GALNT13: variants seen among roughly 807,000 people sequenced by gnomAD.
GALNT13 encodes the protein UDP-GalNAc:polypeptide N-acetylgalactosaminyltransferase 13.
GALNT13 carries 28 observed loss-of-function variants against 64.2 expected under a neutral mutation model. The ratio of observed to expected loss-of-function variants is 0.44; its 90% CI spans 0.32 to 0.60. GALNT13 has a LOEUF of 0.60. GALNT13 is among the 20% of genes least tolerant of loss of function. The probability of loss-of-function intolerance (pLI) is 0.05; values close to 1 mark genes in which losing one functional copy is unlikely to be tolerated. For synonymous variants in GALNT13, 214 were observed against 224.6 expected, an observed-to-expected ratio of 0.95 and a Z score of 0.42; for missense variants, 577 against 669.8, an observed-to-expected ratio of 0.86 and a Z score of 1.53.
At chr2:153,159,660 T>C in the GALNT13 span, 2 of 152,290 alleles carry the variant, frequency 1.3e-5, no homozygotes, top group African/African-American at 4.8e-5. Flanking sequence ...AATTGCCAAG[T>C]GCATTGCTGA....
At chr2:153,263,868 A>G in the GALNT13 span, among the ~76,000 whole-genome samples, 11 of 152,238 alleles carry the variant, frequency 7.2e-5, no homozygotes, top group Admixed American at 6.5e-4. Context: ...AGGCAATACC[A>G]TTTAGGATGT....
chr2:153,153,809 G>C, the GALNT13 span, among the ~76,000 whole-genome samples: 11 of 151,976 alleles, frequency 7.2e-5, no homozygotes, highest in African/African-American at 2.7e-4. Context: ...TAGCCCTGTA[G>C]TATAATTTGA....
At chr2:154,173,581 G>A (rs1382146796) in intron 4 of GALNT13, among the ~76,000 whole-genome samples, 3 of 151,876 alleles carry the variant, frequency 2.0e-5, no homozygotes, top group African/African-American at 7.2e-5. Context: ...CTTCTGCACA[G>A]CAAATATAAC....
the GALNT13 span, among the ~76,000 whole-genome samples, chr2:153,398,746 C>T: frequency 6.8e-6 from 1 of 146,348 alleles, no homozygotes; most frequent in Non-Finnish European, 1.5e-5. Context: ...TGTTCATGTC[C>T]TTCGCCCACT....
Position 154,396,013 on chromosome 2 carries a change from A to G in GALNT13, c.1179A>G (p.Gly393=). The change falls in exon 10 of 13, where the codon GGA becomes GGG. Residue 393 remains glycine, a synonymous_variant. Coordinates refer to ENST00000392825, the MANE Select transcript of GALNT13 (RefSeq NM_052917.4). ...CAGGTGTTGTCAAAGTGGATTATGGAGATGTGTCAGTCAGAAAAACACTAA... is the reference window on the plus strand; with the variant it reads ...CAGGTGTTGTCAAAGTGGATTATGGGGATGTGTCAGTCAGAAAAACACTAA... ...ISPGVVKVDY[G]DVSVRKTLRE... The G allele has an allele frequency of 6.2e-7, 1 of 1,608,070 alleles. No homozygotes were observed. Among genetic ancestry groups the G allele is most frequent in the Non-Finnish European group, 8.5e-7 (1 of 1,177,704 alleles).
chr2:154,245,190 A>T (rs1007410950), intron 6 of GALNT13, among the ~76,000 whole-genome samples: 6 of 152,106 alleles, frequency 3.9e-5, no homozygotes, highest in African/African-American at 1.4e-4. Context: ...ATCTTAAGCT[A>T]TCATCTAGAT....
the GALNT13 span, among the ~76,000 whole-genome samples, chr2:153,400,386 C>CT: frequency 5.3e-5 from 8 of 152,210 alleles, no homozygotes; most frequent in South Asian, 1.7e-3. Context: ...CTAAAATTCT[C>CT]TTTTTTTGTT....
intron 4 of GALNT13, among the ~76,000 whole-genome samples, chr2:154,144,894 C>T (rs1683476380): frequency 6.6e-6 from 1 of 151,422 alleles, no homozygotes; most frequent in Admixed American, 6.6e-5. Context: ...TTAATACACG[C>T]AACACATTTG....
At chr2:153,910,833 T>C (rs1285528881) in intron 2 of GALNT13, among the ~76,000 whole-genome samples, 1 of 152,198 alleles carries the variant, frequency 6.6e-6, no homozygotes, top group Non-Finnish European at 1.5e-5. Flanking sequence ...CTGATTGTTT[T>C]ATGTCCTATT....
the GALNT13 span, among the ~76,000 whole-genome samples, chr2:153,188,007 T>C: frequency 1.3e-5 from 2 of 152,044 alleles, no homozygotes; most frequent in Non-Finnish European, 2.9e-5. Flanking sequence ...TATAAGCATG[T>C]ATTCATGATT....
the GALNT13 span, among the ~76,000 whole-genome samples, chr2:153,364,326 A>C: frequency 6.6e-6 from 1 of 152,240 alleles, no homozygotes; most frequent in Admixed American, 6.5e-5. Flanking sequence ...GAAAACTGGC[A>C]CAAGACAAGA....
chr2:153,349,912 A>C, the GALNT13 span, among the ~76,000 whole-genome samples: 37 of 152,184 alleles, frequency 2.4e-4, no homozygotes, highest in African/African-American at 8.9e-4. Flanking sequence ...GAATGATAAG[A>C]GATTTGGACA....
chr2:153,127,993 C>T, the GALNT13 span, among the ~76,000 whole-genome samples: 4 of 152,240 alleles, frequency 2.6e-5, no homozygotes, highest in African/African-American at 9.6e-5. Flanking sequence ...TTATCACTTA[C>T]AGATGAGGGG....
the GALNT13 span, among the ~76,000 whole-genome samples, chr2:153,706,965 T>A: frequency 6.6e-6 from 1 of 152,154 alleles, no homozygotes; most frequent in African/African-American, 2.4e-5. Context: ...TGGGAGGTAA[T>A]TGAATCATGG....
At chr2:153,802,247 G>A in the GALNT13 span, among the ~76,000 whole-genome samples, 1 of 152,050 alleles carries the variant, frequency 6.6e-6, no homozygotes, top group African/African-American at 2.4e-5. Flanking sequence ...TTGTATTATT[G>A]CCATGGATTC....
chr2:154,116,891 A>G (rs1574531955), intron 3 of GALNT13, among the ~76,000 whole-genome samples: 1 of 152,162 alleles, frequency 6.6e-6, no homozygotes, highest in African/African-American at 2.4e-5. Context: ...AACTAATAAG[A>G]TAGTTAGATA....
chr2:153,894,178 GA>G (rs1228734474), intron 1 of GALNT13, among the ~76,000 whole-genome samples: 1 of 151,606 alleles, frequency 6.6e-6, no homozygotes, highest in East Asian at 1.9e-4. Context: ...AACATTCAAT[GA>G]AAAAAAATGA....
chr2:153,226,633 A>T, the GALNT13 span, among the ~76,000 whole-genome samples: 1 of 152,332 alleles, frequency 6.6e-6, no homozygotes, highest in South Asian at 2.1e-4. Flanking sequence ...ATACCTTACC[A>T]GTACTTTTCA....
chr2:154,415,452 C>T (rs564223511), intron 11 of GALNT13, among the ~76,000 whole-genome samples: 3 of 152,150 alleles, frequency 2.0e-5, no homozygotes, highest in East Asian at 1.9e-4. Flanking sequence ...CTAGAAAGCA[C>T]GTGGAAACAT....
Sources: gnomAD v4.1 joint callset for allele counts (sites outside exome capture counted in the v4.1 genomes callset) on GRCh38, gnomAD v4.1.1 for gene constraint, MANE v1.5 for transcripts, NCBI Gene and HGNC (gene_info 2026-07-23, HGNC 2026-07-21) for gene names.